RAP1GDS1: variants seen among roughly 807,000 people sequenced by gnomAD.
The protein encoded by RAP1GDS1 is Rap1 GTPase-GDP dissociation stimulator 1, also known as RAP1, GTP-GDP dissociation stimulator 1.
RAP1GDS1 carries 35 observed loss-of-function variants against 71.1 expected under a neutral mutation model. The observed-to-expected ratio is 0.49, with a 90% CI of 0.38 to 0.65. The LOEUF is 0.65. RAP1GDS1 is among the 30% of genes least tolerant of loss of function. The pLI is 0.00. For missense variants in RAP1GDS1, 663 were observed against 706.1 expected (o/e 0.94, Z 0.69); for synonymous variants, 229 against 243.1 (o/e 0.94, Z 0.54).
chr4:98,265,830 G>A (rs1722650773), intron 1 of RAP1GDS1, among the ~76,000 whole-genome samples: 1 of 152,086 alleles, frequency 6.6e-6, no homozygotes, highest in African/African-American at 2.4e-5. Context: ...ACAGTCAGGA[G>A]GGTGATAGGG....
chr4:98,372,840 A>G (rs1399773988), intron 4 of RAP1GDS1, among the ~76,000 whole-genome samples: 3 of 151,956 alleles, frequency 2.0e-5, no homozygotes, highest in Admixed American at 6.6e-5. Context: ...GCATGCCACA[A>G]TGCCTGGCTA....
intron 1 of RAP1GDS1, among the ~76,000 whole-genome samples, chr4:98,282,961 T>G (rs1310717212): frequency 6.6e-6 from 1 of 152,158 alleles, no homozygotes; most frequent in Admixed American, 6.5e-5. Context: ...GAGTTCTAAT[T>G]TGATTGCACT....
At chr4:98,334,177 G>A (rs1451055935) in intron 2 of RAP1GDS1, among the ~76,000 whole-genome samples, 1 of 151,990 alleles carries the variant, frequency 6.6e-6, no homozygotes, top group Non-Finnish European at 1.5e-5. Context: ...TTCTGGCCAA[G>A]TACATCAGAT....
chr4:98,367,718 G>T (rs971471260), intron 4 of RAP1GDS1, among the ~76,000 whole-genome samples: 5 of 152,204 alleles, frequency 3.3e-5, no homozygotes, highest in South Asian at 2.1e-4. Flanking sequence ...AGATTTGACT[G>T]CCCTGCTGGA....
chr4:98,412,882 G>A (rs1022922088), intron 7 of RAP1GDS1, among the ~76,000 whole-genome samples: 9 of 152,084 alleles, frequency 5.9e-5, no homozygotes, highest in African/African-American at 1.7e-4. Context: ...CAAAGATCAC[G>A]TGCTTTACAG....
chr4:98,420,599 C>G (rs971128718), intron 11 of RAP1GDS1, among the ~76,000 whole-genome samples: 1 of 152,058 alleles, frequency 6.6e-6, no homozygotes, highest in Non-Finnish European at 1.5e-5. Flanking sequence ...TGGCCTCAAG[C>G]GATCCACCCA....
intron 7 of RAP1GDS1, chr4:98,409,766 G>A (rs1746742512): frequency 7.6e-5 from 35 of 457,878 alleles, no homozygotes; most frequent in South Asian, 6.1e-4. Flanking sequence ...TGGCATAATA[G>A]GTGTTTTCAA....
intron 1 of RAP1GDS1, among the ~76,000 whole-genome samples, chr4:98,271,613 A>G (rs1261652349): frequency 1.3e-5 from 2 of 151,570 alleles, no homozygotes; most frequent in African/African-American, 4.9e-5. Context: ...CTGTTTTAGT[A>G]TAACTCATTT....
At chr4:98,400,729 T>A (rs566954547) in intron 6 of RAP1GDS1, among the ~76,000 whole-genome samples, 6 of 152,256 alleles carry the variant, frequency 3.9e-5, no homozygotes, top group African/African-American at 1.4e-4. Context: ...GGATATTGAA[T>A]GTTTCCAACA....
At chr4:98,352,890 G>A (rs760224965) in intron 4 of RAP1GDS1, among the ~76,000 whole-genome samples, 1 of 152,184 alleles carries the variant, frequency 6.6e-6, no homozygotes, top group Admixed American at 6.5e-5. Context: ...AAATACATAT[G>A]TGCATCTTCT....
In RAP1GDS1 at chr4:98,419,561, A is replaced by G. The variant is rs1052666616; in HGVS notation, c.1175-458A>G. On this transcript the variant is annotated intron_variant, in intron 10 of 14. Coordinates refer to ENST00000408927, the MANE Select transcript of RAP1GDS1 (RefSeq NM_001100427.2). The stretch of plus-strand genomic sequence containing the variant: ...TCTTTTATCCTACTTTCTAAAAATA[A>G]ATTTCTGATTAGATGAAATAGTACA... Among the ~76,000 whole-genome samples, 7 of 152,310 alleles carry G rather than the reference A, an allele frequency of 4.6e-5. No homozygotes were observed. The East Asian group carries it at 1.3e-3, about 29-fold the overall frequency.
In RAP1GDS1 at chr4:98,303,002, C is replaced by T. The variant is rs536680444; in HGVS notation, c.112+9487C>T. On this transcript the variant is annotated intron_variant, in intron 2 of 14. Coordinates refer to ENST00000408927, the MANE Select transcript of RAP1GDS1 (RefSeq NM_001100427.2). ...CGGAGGTTGCAGTGAGCAGAGATTG[C>T]GTGACTGCACTCTAGCCTGGGCGGT... Among the ~76,000 whole-genome samples, 21 of 150,928 alleles carry T rather than the reference C, an allele frequency of 1.4e-4. No homozygotes were observed. In the South Asian group the frequency reaches 4.2e-3, roughly 30 times the overall value.
intron 7 of RAP1GDS1, among the ~76,000 whole-genome samples, chr4:98,405,303 TG>T (rs1427050488): frequency 3.6e-4 from 55 of 152,130 alleles, no homozygotes; most frequent in Non-Finnish European, 1.6e-4. Flanking sequence ...ATTTCTGAAT[TG>T]AAAAATACAA....
chr4:98,421,931 C>A (rs1005111327), intron 12 of RAP1GDS1, among the ~76,000 whole-genome samples: 1 of 152,030 alleles, frequency 6.6e-6, no homozygotes, highest in Non-Finnish European at 1.5e-5. Flanking sequence ...GGCGTGGTGG[C>A]TGACACCTGT....
intron 2 of RAP1GDS1, among the ~76,000 whole-genome samples, chr4:98,297,850 C>T (rs558279876): frequency 6.6e-6 from 1 of 152,234 alleles, no homozygotes; most frequent in South Asian, 2.1e-4. Flanking sequence ...GAAAGCATGT[C>T]GAAAGCGGAG....
chr4:98,315,811 T>G (rs1357206549), intron 2 of RAP1GDS1, among the ~76,000 whole-genome samples: 1 of 152,124 alleles, frequency 6.6e-6, no homozygotes, highest in Non-Finnish European at 1.5e-5. Flanking sequence ...AAAAAAATGT[T>G]GGCACACCTA....
intron 2 of RAP1GDS1, among the ~76,000 whole-genome samples, chr4:98,336,167 T>C (rs1734696054): frequency 6.6e-6 from 1 of 152,182 alleles, no homozygotes; most frequent in South Asian, 2.1e-4. Flanking sequence ...AATCTGTATT[T>C]CTTATAGGTA....
At chr4:98,428,901 C>A (rs1433370988) in intron 12 of RAP1GDS1, among the ~76,000 whole-genome samples, 6 of 152,168 alleles carry the variant, frequency 3.9e-5, no homozygotes, top group African/African-American at 1.4e-4. Flanking sequence ...ATGTTTATAG[C>A]AGCACAATTC....
intron 3 of RAP1GDS1, among the ~76,000 whole-genome samples, chr4:98,347,544 T>C (rs923734256): frequency 3.9e-5 from 6 of 152,258 alleles, no homozygotes; most frequent in African/African-American, 7.2e-5. Context: ...GAATTCTATG[T>C]TGTGTAGGCA....
Sources: allele counts gnomAD v4.1 joint callset (sites outside exome capture counted in the v4.1 genomes callset), GRCh38; gene constraint gnomAD v4.1.1; transcripts MANE v1.5; gene names NCBI Gene and HGNC (gene_info 2026-07-23, HGNC 2026-07-21).